The following VPS13B variants were observed in gnomAD, a reference collection of about 807,000 sequenced individuals.
VPS13B encodes intermembrane lipid transfer protein VPS13B.
A neutral mutation model predicts 426.4 loss-of-function variants in VPS13B; 285 were observed. That is an observed-to-expected ratio of 0.67 (90% CI 0.61 to 0.74). VPS13B has a LOEUF of 0.74. VPS13B is among the 30% of genes least tolerant of loss of function. VPS13B has a pLI of 0.00. For synonymous variants in VPS13B, 1,676 were observed against 1,676.4 expected, an observed-to-expected ratio of 1.00 and a Z score of 0.01; for missense variants, 4,537 against 4,782.6, an observed-to-expected ratio of 0.95 and a Z score of 1.51.
chr8:99,708,849 C>CTCTATA (rs201729748), intron 36 of VPS13B, among the ~76,000 whole-genome samples: 20 of 147,344 alleles, frequency 1.4e-4, no homozygotes, highest in African/African-American at 3.0e-4. Context: ...CTCTCTCTCT[C>CTCTATA]TATATATATA....
At chr8:99,078,813 A>C (rs1344712247) in intron 3 of VPS13B, among the ~76,000 whole-genome samples, 1 of 151,686 alleles carries the variant, frequency 6.6e-6, no homozygotes, top group Non-Finnish European at 1.5e-5. Flanking sequence ...GCCGGTCCCC[A>C]GTCCCCTAGG....
chr8:99,372,350 G>T (rs1813239175), intron 19 of VPS13B, among the ~76,000 whole-genome samples: 1 of 151,678 alleles, frequency 6.6e-6, no homozygotes, highest in Non-Finnish European at 1.5e-5. Context: ...CACAGCAAAA[G>T]AAACTATCAT....
chr8:99,013,721 C>A lies in VPS13B; in HGVS notation c.-29-39C>A, dbSNP rs566878670. On this transcript the variant is annotated intron_variant, in intron 1 of 61. Transcript: ENST00000357162. ...GATAACGAACGCTCTTTCCTTCACT[C>A]TACCGCCGACTTCTAACGTTTCTGT... 18 of 1,600,382 alleles carry A rather than the reference C, an allele frequency of 1.1e-5. 1 individual carries two copies. The Middle Eastern group carries it at 7.0e-4, about 62-fold the overall frequency.
chr8:99,101,624 A>C (rs1476425393), intron 4 of VPS13B, among the ~76,000 whole-genome samples: 1 of 152,206 alleles, frequency 6.6e-6, no homozygotes, highest in Admixed American at 6.5e-5. Context: ...ATAGCATGTG[A>C]TAATTGGCAC....
intron 30 of VPS13B, among the ~76,000 whole-genome samples, chr8:99,525,753 A>T (rs1000329424): frequency 6.6e-6 from 1 of 152,214 alleles, no homozygotes; most frequent in Non-Finnish European, 1.5e-5. Context: ...ATGGTATACT[A>T]GAATTTAATA....
intron 35 of VPS13B, among the ~76,000 whole-genome samples, chr8:99,680,219 T>C (rs549025244): frequency 4.6e-5 from 7 of 152,280 alleles, no homozygotes; most frequent in African/African-American, 1.7e-4. Context: ...TAAATGTAAG[T>C]AATATGATGA....
At chr8:99,233,776 A>C (rs1360634331) in intron 17 of VPS13B, 1 of 779,218 alleles carries the variant, frequency 1.3e-6, no homozygotes, top group African/African-American at 1.7e-5. Context: ...CTTCTTTTCC[A>C]ATCAGTCTTC....
At chr8:99,310,083 C>T (rs1820869516) in intron 19 of VPS13B, among the ~76,000 whole-genome samples, 1 of 152,176 alleles carries the variant, frequency 6.6e-6, no homozygotes, top group South Asian at 2.1e-4. Context: ...AGATTTTGGG[C>T]TGAGACGATG....
At chr8:99,371,837 C>G (rs1289118973) in intron 19 of VPS13B, among the ~76,000 whole-genome samples, 11 of 152,068 alleles carry the variant, frequency 7.2e-5, no homozygotes, top group African/African-American at 1.2e-4. Flanking sequence ...GAAACTTGAC[C>G]TCTTCCTTAC....
At chr8:99,843,135 CAGAGTG>C (rs1282670183) in intron 54 of VPS13B, among the ~76,000 whole-genome samples, 1 of 152,142 alleles carries the variant, frequency 6.6e-6, no homozygotes, top group African/African-American at 2.4e-5. Flanking sequence ...TCCTGGGTAA[CAGAGTG>C]AGACTGAGAC....
At chr8:99,402,866 A>G (rs181874802) in intron 21 of VPS13B, among the ~76,000 whole-genome samples, 10 of 152,354 alleles carry the variant, frequency 6.6e-5, no homozygotes, top group Non-Finnish European at 1.5e-4. Flanking sequence ...TATGCAGTCT[A>G]TGCAATGATG....
At chr8:99,820,196 G>A in intron 49 of VPS13B, 74 bp downstream of exon 49, 1 of 1,407,562 alleles carries the variant, frequency 7.1e-7, no homozygotes, top group East Asian at 2.3e-5. Context: ...TTGCGTTTAT[G>A]ATCTTAACAG....
intron 54 of VPS13B, among the ~76,000 whole-genome samples, chr8:99,846,032 A>G (rs1815964945): frequency 6.6e-6 from 1 of 152,228 alleles, no homozygotes. Context: ...CGGGGAGTAT[A>G]ATCCTGCTCT....
chr8:99,092,973 A>G (rs1190477957), intron 3 of VPS13B, among the ~76,000 whole-genome samples: 1 of 151,452 alleles, frequency 6.6e-6, no homozygotes, highest in African/African-American at 2.4e-5. Context: ...TTTAATTGCT[A>G]TGTATTATAT....
intron 21 of VPS13B, among the ~76,000 whole-genome samples, chr8:99,424,890 C>T (rs1007769811): frequency 6.6e-6 from 1 of 152,136 alleles, no homozygotes; most frequent in Admixed American, 6.5e-5. Context: ...GGTATCACCA[C>T]CGATCCCACA....
At chr8:99,670,064 G>C (rs1415807822) in intron 35 of VPS13B, among the ~76,000 whole-genome samples, 2 of 151,890 alleles carry the variant, frequency 1.3e-5, no homozygotes, top group Admixed American at 1.3e-4. Flanking sequence ...ATTTTAAGTT[G>C]TTTACCCCCA....
chr8:99,316,326 A>G (rs995046574), intron 19 of VPS13B, among the ~76,000 whole-genome samples: 2 of 152,102 alleles, frequency 1.3e-5, no homozygotes, highest in Admixed American at 6.6e-5. Context: ...CAGTGGGAAT[A>G]TAGGGATATG....
intron 17 of VPS13B, among the ~76,000 whole-genome samples, chr8:99,270,131 C>CTTTTTTTTTTTTTTTTTT: frequency 0.021 from 635 of 30,312 alleles, 290 homozygotes; most frequent in Non-Finnish European, 0.024. Context: ...ATATAAGAAT[C>CTTTTTTTTTTTTTTTTTT]TTTTTTTTTT....
At chr8:99,348,009 A>G (rs984269120) in intron 19 of VPS13B, 1 of 152,262 alleles carries the variant, frequency 6.6e-6, no homozygotes, top group African/African-American at 2.4e-5. Context: ...CTGCTTATGA[A>G]CTGCACTGTG....
Sources: gnomAD v4.1 joint callset for allele counts (sites outside exome capture counted in the v4.1 genomes callset) on GRCh38, gnomAD v4.1.1 for gene constraint, MANE v1.5 for transcripts, NCBI Gene and HGNC (gene_info 2026-07-23, HGNC 2026-07-21) for gene names.